ATP13A5: variants seen among roughly 807,000 people sequenced by gnomAD.
ATP13A5 encodes ATPase 13A5.
In ATP13A5, 149 loss-of-function variants were observed where a neutral mutation model predicts 150.2. That is an observed-to-expected ratio of 0.99 (90% CI 0.87 to 1.14). ATP13A5 has a LOEUF of 1.14. Ranked by LOEUF, ATP13A5 falls within the 50% of genes most tolerant of loss-of-function variation. ATP13A5 has a pLI of 0.00. For synonymous variants in ATP13A5, 497 were observed against 522.2 expected (o/e 0.95, Z 0.66); for missense variants, 1,383 against 1,449.3 (o/e 0.95, Z 0.74).
At chr3:193,351,011 G>A (rs1038719) in intron 7 of ATP13A5, 56 bp downstream of exon 7, 804,845 of 1,589,342 alleles carry the variant, frequency 0.51, 205,719 homozygotes, top group African/African-American at 0.62. Flanking sequence ...AATACCATGG[G>A]CTTTACTTCT....
chr3:193,293,956 C>G (rs981603180), intron 25 of ATP13A5, among the ~76,000 whole-genome samples: 7 of 152,082 alleles, frequency 4.6e-5, no homozygotes, highest in Non-Finnish European at 8.8e-5. Context: ...ATCTGAATTT[C>G]ACGATCCCAC....
Position 193,311,896 on chromosome 3 carries a change from C to T in ATP13A5, c.2365G>A (p.Gly789Arg), listed in dbSNP as rs758754317. Residue 789 changes from glycine to arginine, a missense_variant, in exon 20 of 30, where the codon GGA becomes AGA. Coordinates refer to ENST00000342358, the MANE Select transcript of ATP13A5 (RefSeq NM_198505.4). Reference sequence around the variant, plus strand: ...ATTGCAAAATGGTAACAGCTTCCTCCTTCCCCACGAGGGGTTGAACTGTTT... The same window carrying T: ...ATTGCAAAATGGTAACAGCTTCCTCTTTCCCCACGAGGGGTTGAACTGTTT... ...TGNSSTPRGE[G>R]GSCYHFAMSG... 20 of 1,613,832 alleles carry T rather than the reference C, an allele frequency of 1.2e-5. No homozygotes were observed. In the Admixed American group the frequency reaches 1.7e-4, roughly 13 times the overall value.
intron 27 of ATP13A5, among the ~76,000 whole-genome samples, chr3:193,280,009 G>T (rs973546305): frequency 4.9e-4 from 38 of 77,566 alleles, no homozygotes; most frequent in Non-Finnish European, 8.4e-4. Context: ...AAAAAGCCCT[G>T]TGTACCTGTG....
chr3:193,319,064 C>T lies in ATP13A5; in HGVS notation c.1960G>A (p.Gly654Ser), dbSNP rs760615639. ...TGGGCAAGAGCAATGACACGGAAGC[C>T]TTGCACCGTGTAACTCCTCAGTTCC... The part of the protein sequence containing the change: ...PQELRSYTVQ[G>S]FRVIALAHKT... Residue 654 changes from glycine (G) to serine (S), a missense_variant, in exon 17 of 30, where the codon GGC becomes AGC. Coordinates refer to ENST00000342358, the MANE Select transcript of ATP13A5 (RefSeq NM_198505.4). 3 of 1,613,824 alleles carry T rather than the reference C, an allele frequency of 1.9e-6. No individual in the cohort carries two copies. Among genetic ancestry groups the T allele is most frequent in the South Asian group, 1.1e-5 (1 of 91,070 alleles).
chr3:193,286,781 T>C (rs566755094), intron 26 of ATP13A5, among the ~76,000 whole-genome samples: 1 of 152,230 alleles, frequency 6.6e-6, no homozygotes, highest in South Asian at 2.1e-4. Context: ...TGTCTCTCTC[T>C]TTAAATAAAA....
In ATP13A5 at chr3:193,345,018, T is replaced by C; in HGVS notation, c.799A>G (p.Ile267Val). The change falls in exon 8 of 30, where the codon ATT (isoleucine) becomes GTT (valine). Residue 267 changes from isoleucine (I) to valine (V), a missense_variant. Coordinates refer to ENST00000342358, the MANE Select transcript of ATP13A5 (RefSeq NM_198505.4). Reference protein sequence around the residue: ...EDHNKVQVTIIVKDKGLEELE... With the variant: ...EDHNKVQVTIVVKDKGLEELE... ...CATCACTTACCTTTGTCTTTTACAA[T>C]GATTGTAACCTGGACTTTGTTGTGG... 6.2e-7 allele frequency: 1 copy of C among 1,613,636 alleles called. No homozygotes were observed. Among genetic ancestry groups the C allele is most frequent in the Non-Finnish European group, 8.5e-7 (1 of 1,179,612 alleles).
intron 3 of ATP13A5, among the ~76,000 whole-genome samples, chr3:193,362,904 C>G (rs895401743): frequency 6.6e-6 from 1 of 152,104 alleles, no homozygotes; most frequent in Non-Finnish European, 1.5e-5. Flanking sequence ...AATCGATCCT[C>G]CTGCCTCAAC....
chr3:193,305,630 C>T lies in ATP13A5; in HGVS notation c.2607G>A (p.Glu869=). The stretch of plus-strand genomic sequence containing the variant: ...AAGGGGATGCCACAGATGCTTCCTG[C>T]TCTGATAATGAAATGCCTGCATGAG... ...KAAHAGISLS[E]QEASVASPFT... Residue 869 remains glutamate (E), a synonymous_variant, in exon 23 of 30, where the codon GAG becomes GAA. Transcript: ENST00000342358. The T allele has an allele frequency of 6.2e-7, 1 of 1,613,934 alleles. No individual in the cohort carries two copies. The highest frequency in any genetic ancestry group is 2.2e-5 in the East Asian group (1 of 44,868).
chr3:193,368,001 G>A (rs1394313826), intron 1 of ATP13A5, among the ~76,000 whole-genome samples: 1 of 151,134 alleles, frequency 6.6e-6, no homozygotes, highest in Non-Finnish European at 1.5e-5. Context: ...GGAAGGGGAG[G>A]GGAGGGGAGG....
chr3:193,308,250 GAGTT>G, intron 21 of ATP13A5, among the ~76,000 whole-genome samples: 1 of 152,170 alleles, frequency 6.6e-6, no homozygotes, highest in Middle Eastern at 3.4e-3. Flanking sequence ...TTGAGGTCAG[GAGTT>G]CGAGACCAGC....
In ATP13A5 at chr3:193,288,547, T is replaced by C. The variant is rs1717817321; in HGVS notation, c.3023+1338A>G. ...ATTATTTTGAAATTAAGGCATGTAC[T>C]TTTTTAGACATAATGCTATTGCACA... On this transcript the variant is annotated intron_variant, in intron 26 of 29. Transcript: ENST00000342358. 2.0e-5 allele frequency among the ~76,000 whole-genome samples: 3 copies of C among 151,360 alleles called. 1 individual carries two copies. Among genetic ancestry groups the C allele is most frequent in the Admixed American group, 2.0e-4 (3 of 15,184 alleles).
intron 23 of ATP13A5, among the ~76,000 whole-genome samples, chr3:193,305,235 G>A (rs1718565246): frequency 6.6e-6 from 1 of 152,148 alleles, no homozygotes; most frequent in South Asian, 2.1e-4. Context: ...AAATTCCTGA[G>A]AGAAATGTTA....
chr3:193,366,042 A>G (rs541979070), intron 1 of ATP13A5, among the ~76,000 whole-genome samples: 33 of 152,212 alleles, frequency 2.2e-4, no homozygotes, highest in African/African-American at 7.2e-4. Context: ...AAAGTTTTGC[A>G]TATACAACGT....
At chr3:193,303,576 G>A (rs1431523083) in intron 23 of ATP13A5, among the ~76,000 whole-genome samples, 1 of 151,926 alleles carries the variant, frequency 6.6e-6, no homozygotes, top group Non-Finnish European at 1.5e-5. Flanking sequence ...ATGTAAAGGA[G>A]ATATTTCTCC....
chr3:193,330,552 G>T (rs73074758), intron 12 of ATP13A5, among the ~76,000 whole-genome samples: 1 of 152,280 alleles, frequency 6.6e-6, no homozygotes, highest in Admixed American at 6.5e-5. Context: ...GGAGACTCAC[G>T]TCATGGGGGG....
intron 18 of ATP13A5, among the ~76,000 whole-genome samples, chr3:193,314,665 T>A (rs1718980549): frequency 1.3e-5 from 2 of 152,170 alleles, no homozygotes; most frequent in South Asian, 4.1e-4. Flanking sequence ...TGCAGAGGGA[T>A]CACTGGGTTT....
In ATP13A5 at chr3:193,344,126, G is replaced by GA. The variant is rs1712234303; in HGVS notation, c.815-72dup. ...TTTACTTAAGAATGAAGGCAACTAA[G>GA]AATCCTTATCAACCTGTTGGCCAAG... On this transcript the variant is annotated intron_variant, in intron 8 of 29. Transcript: ENST00000342358. 3.2e-6 allele frequency: 5 copies of GA among 1,558,614 alleles called. No homozygotes were observed. In the African/African-American group the frequency reaches 5.5e-5, roughly 17 times the overall value.
At chr3:193,355,215 A>G (rs1258650412) in intron 5 of ATP13A5, among the ~76,000 whole-genome samples, 1 of 152,156 alleles carries the variant, frequency 6.6e-6, no homozygotes, top group Non-Finnish European at 1.5e-5. Context: ...TACAAGCGTG[A>G]GCCAGCACGC....
intron 26 of ATP13A5, among the ~76,000 whole-genome samples, chr3:193,287,774 A>G (rs1341940797): frequency 6.6e-6 from 1 of 152,140 alleles, no homozygotes; most frequent in Non-Finnish European, 1.5e-5. Context: ...TAAGAAATAC[A>G]CTTTTTAAGA....
Sources: allele counts gnomAD v4.1 joint callset (sites outside exome capture counted in the v4.1 genomes callset), GRCh38; gene constraint gnomAD v4.1.1; transcripts MANE v1.5; gene names NCBI Gene and HGNC (gene_info 2026-07-23, HGNC 2026-07-21).